Variants in NOD2 observed in about 807,000 individuals in gnomAD.
NOD2 encodes the protein nucleotide-binding oligomerization domain-containing protein 2.
A neutral mutation model predicts 90.9 loss-of-function variants in NOD2; 86 were observed. The ratio of observed to expected loss-of-function variants is 0.95; its 90% CI spans 0.79 to 1.13. The LOEUF (loss-of-function observed/expected upper bound fraction) is 1.13, where lower values mean the gene tolerates loss of function less well. Among genes scored for constraint, NOD2 ranks in the 50% most tolerant of loss-of-function variants. NOD2 has a pLI of 0.00. For missense variants in NOD2, 1,238 were observed against 1,283.8 expected, an observed-to-expected ratio of 0.96 and a Z score of 0.55; for synonymous variants, 581 against 554.6, an observed-to-expected ratio of 1.05 and a Z score of -0.67.
At chr16:50,727,445 T>C (rs1316955204) in intron 10 of NOD2, 3 of 203,314 alleles carry the variant, frequency 1.5e-5, no homozygotes, top group Non-Finnish European at 3.0e-5. Context: ...TTAATCAAAA[T>C]AGGAACCATT....
rs764670343 is a variant in NOD2 at position 50,716,710 on chromosome 16, C to T, written c.2465+40C>T. On this transcript the variant is annotated intron_variant, in intron 5 of 11. Coordinates refer to ENST00000647318, the MANE Select transcript of NOD2 (RefSeq NM_001370466.1). ...GCTGTGGACAATGGGCTCCAAGTGC[C>T]CTGGTCTCACCCCAGGTCGTGCAGC... The T allele has an allele frequency of 3.3e-5, 53 of 1,593,652 alleles. No individual in the cohort carries two copies. The Admixed American group carries it at 3.8e-4, about 12-fold the overall frequency.
intron 10 of NOD2, 104 bp from the exon 11 acceptor site, chr16:50,729,714 G>A (rs1965387167): frequency 4.5e-6 from 4 of 886,496 alleles, no homozygotes; most frequent in Admixed American, 3.5e-5. Context: ...TAAGGGACAG[G>A]TGGGCTTCAG....
Position 50,731,920 on chromosome 16 carries a change from C to T in NOD2, c.*101C>T. 2 of 838,770 alleles carry T rather than the reference C, an allele frequency of 2.4e-6. No homozygotes were observed. The highest frequency in any genetic ancestry group is 4.1e-6 in the Non-Finnish European group (2 of 486,742). The allele number at this position is 838,770 out of a possible 1,614,324, so 52.0% of individuals were successfully genotyped here. A position where few individuals can be genotyped will look rare whatever the true frequency, so the allele number is the denominator to read the frequency against. On this transcript the variant is annotated 3_prime_UTR_variant, in exon 12 of 12. Transcript: ENST00000647318. ...GTGTTGGCAGCCTCTTCAAAATGAG[C>T]CCTGTCCTGCCTAAGGCTGAACTTG...
chr16:50,714,537 TAC>T (rs1964690783), intron 4 of NOD2, among the ~76,000 whole-genome samples: 2 of 151,654 alleles, frequency 1.3e-5, no homozygotes, highest in Admixed American at 1.3e-4. Context: ...CTCTTCACCT[TAC>T]ACACACTAAA....
At chr16:50,706,108 T>C (rs1296505738) in intron 2 of NOD2, among the ~76,000 whole-genome samples, 2 of 152,168 alleles carry the variant, frequency 1.3e-5, no homozygotes, top group Non-Finnish European at 2.9e-5. Context: ...GGACAGGGAA[T>C]TAGCCACATG....
intron 6 of NOD2, among the ~76,000 whole-genome samples, chr16:50,719,552 G>A (rs888909917): frequency 6.6e-6 from 1 of 152,204 alleles, no homozygotes; most frequent in Admixed American, 6.5e-5. Flanking sequence ...ACAGATCTGG[G>A]AAGGCTGCAG....
chr16:50,697,393 G>A (rs1302718430), intron 1 of NOD2: 2 of 1,359,200 alleles, frequency 1.5e-6, no homozygotes, highest in South Asian at 2.5e-5. Flanking sequence ...ATGCTCCCAG[G>A]CCTGGGGTCA....
At position 50,723,395 on chromosome 16, in the gene NOD2, G is replaced by T; in HGVS notation, c.2801+11G>T. On this transcript the variant is annotated intron_variant, in intron 9 of 11. Coordinates refer to ENST00000647318, the MANE Select transcript of NOD2 (RefSeq NM_001370466.1). ...GCTAGAAGAACTCTGGTGAGTTTGG[G>T]GGATTCTCTGCTCTGGGGAAGTGGA... 6.2e-7 allele frequency: 1 copy of T among 1,612,566 alleles called. No individual in the cohort carries two copies. The highest frequency in any genetic ancestry group is 1.1e-5 in the South Asian group (1 of 91,016).
At chr16:50,729,740 C>T in intron 10 of NOD2, 78 bp from the exon 11 acceptor site, 2 of 1,236,092 alleles carry the variant, frequency 1.6e-6, no homozygotes, top group Non-Finnish European at 2.4e-6. Flanking sequence ...TGGCTAACTC[C>T]TGCAGTCTCT....
intron 5 of NOD2, 80 bp downstream of exon 5, chr16:50,716,750 G>A (rs1410164330): frequency 1.7e-5 from 26 of 1,519,234 alleles, no homozygotes; most frequent in Non-Finnish European, 2.1e-5. Context: ...GAAGCTGTGA[G>A]TGATGGGCTG....
chr16:50,723,249 C>T lies in NOD2; in HGVS notation c.2718-52C>T, dbSNP rs894457989. The T allele has an allele frequency of 3.2e-6, 5 of 1,548,652 alleles. No individual in the cohort carries two copies. In the African/African-American group the frequency reaches 4.1e-5, roughly 13 times the overall value. ...TTTTGCCCTCCATAGGTTAGCTCAT[C>T]TCTGAGGTCTTTCCCTGCTCTGACA... On this transcript the variant is annotated intron_variant, in intron 8 of 11. Transcript: ENST00000647318.
chr16:50,703,580 A>G (rs1964037908), intron 2 of NOD2, among the ~76,000 whole-genome samples: 1 of 151,368 alleles, frequency 6.6e-6, no homozygotes, highest in South Asian at 2.1e-4. Context: ...CAGATGTTGC[A>G]GTGAGCCGAG....
At chr16:50,700,197 T>G (rs557877249) in intron 2 of NOD2, among the ~76,000 whole-genome samples, 99 of 152,330 alleles carry the variant, frequency 6.5e-4, no homozygotes, top group Non-Finnish European at 3.4e-4. Context: ...GGCACAATCA[T>G]AGCTCACTGT....
intron 6 of NOD2, among the ~76,000 whole-genome samples, chr16:50,717,299 T>G (rs1368663063): frequency 1.3e-5 from 2 of 152,210 alleles, no homozygotes; most frequent in Non-Finnish European, 2.9e-5. Flanking sequence ...GAGCTCGTCC[T>G]GGTGGGGGAG....
At chr16:50,712,626 C>A in intron 4 of NOD2, 2 of 573,066 alleles carry the variant, frequency 3.5e-6, no homozygotes, top group South Asian at 4.1e-5. Context: ...ATCTCTACAA[C>A]CACCCTGGCG....
chr16:50,724,241 A>G (rs183183447), intron 9 of NOD2, among the ~76,000 whole-genome samples: 55 of 152,320 alleles, frequency 3.6e-4, no homozygotes, highest in Admixed American at 2.1e-3. Flanking sequence ...GATTTTATGG[A>G]TGGACCTTGG....
intron 2 of NOD2, among the ~76,000 whole-genome samples, chr16:50,705,729 C>A (rs144184080): frequency 1.3e-5 from 2 of 152,166 alleles, no homozygotes; most frequent in Middle Eastern, 3.2e-3. Flanking sequence ...GCATGGTTTT[C>A]AACTTTCTTG....
chr16:50,712,084 G>C lies in NOD2; in HGVS notation c.2092G>C (p.Ala698Pro). Reference protein sequence around the residue: ...LRKHFHSIPPAAPGEAKSVHA... With the variant: ...LRKHFHSIPPPAPGEAKSVHA... ...CAAGCACTTCCACTCCATCCCGCCA[G>C]CTGCACCGGGTGAGGCCAAGAGCGT... Residue 698 changes from alanine (A) to proline (P), a missense_variant, in exon 4 of 12, where the codon GCT becomes CCT. Around this residue, in one of 3 missense-constraint regions of NOD2, gnomAD observed 667 missense variants for 688.7 expected, o/e 0.97. Transcript: ENST00000647318. 1 of 1,613,768 alleles carries C rather than the reference G, an allele frequency of 6.2e-7. No homozygotes were observed.
At chr16:50,699,453 G>A (rs1038535935) in intron 1 of NOD2, 35 bp from the exon 2 acceptor site, 2 of 1,594,268 alleles carry the variant, frequency 1.3e-6, no homozygotes, top group Non-Finnish European at 1.7e-6. Flanking sequence ...CTGGCTTCTG[G>A]AGAAGTCCCG....
Sources: allele counts gnomAD v4.1 joint callset (sites outside exome capture counted in the v4.1 genomes callset), GRCh38; gene constraint gnomAD v4.1.1; regional missense constraint gnomAD v4.1.1; transcripts MANE v1.5; gene names NCBI Gene and HGNC (gene_info 2026-07-23, HGNC 2026-07-21).